TAF10: variants seen among roughly 807,000 people sequenced by gnomAD.
TAF10 encodes transcription initiation factor TFIID subunit 10.
A neutral mutation model predicts 18.1 loss-of-function variants in TAF10; 2 were observed. The ratio of observed to expected loss-of-function variants is 0.11; its 90% CI spans 0.05 to 0.35. The LOEUF is 0.35. TAF10 is among the 10% of genes least tolerant of loss of function. TAF10 has a pLI of 1.00. For missense variants in TAF10, 293 were observed against 306.9 expected, an observed-to-expected ratio of 0.95 and a Z score of 0.34; for synonymous variants, 158 against 134.6, an observed-to-expected ratio of 1.17 and a Z score of -1.20.
At position 6,608,985 on chromosome 11, in the gene TAF10, G is replaced by A; in HGVS notation, c.*1937C>T. 1.2e-6 allele frequency: 2 copies of A among 1,613,918 alleles called. No homozygotes were observed. The highest frequency in any genetic ancestry group is 2.2e-5 in the East Asian group (1 of 44,888). On this transcript the variant is annotated 3_prime_UTR_variant, in exon 5 of 5. Coordinates refer to ENST00000299424, the MANE Select transcript of TAF10 (RefSeq NM_006284.4). This position sits in a 1 kb window ranked among gnomAD's most constrained non-coding sequence, Gnocchi z 4.9. ...TCGGCCCCGTGAGTCACCACTGTGGGAAGAAGGGTTGTAAAAGGAAATAAT... is the reference window on the plus strand; with the variant it reads ...TCGGCCCCGTGAGTCACCACTGTGGAAAGAAGGGTTGTAAAAGGAAATAAT...
At chr11:6,611,346 C>T in intron 3 of TAF10, 42 bp downstream of exon 3, 2 of 1,614,108 alleles carry the variant, frequency 1.2e-6, no homozygotes, top group Non-Finnish European at 1.7e-6. Context: ...GGACAACATA[C>T]TGCACAAGCA....
At position 6,608,623 on chromosome 11, in the gene TAF10, C is replaced by T; in HGVS notation, c.*2299G>A. 1 of 1,387,730 alleles carries T rather than the reference C, an allele frequency of 7.2e-7. No homozygotes were observed. The highest frequency in any genetic ancestry group is 1.4e-5 in the African/African-American group (1 of 70,478). The allele number at this position is 1,387,730 out of a possible 1,614,324, so 86.0% of individuals were successfully genotyped here. A position where few individuals can be genotyped will look rare whatever the true frequency, so the allele number is the denominator to read the frequency against. On this transcript the variant is annotated 3_prime_UTR_variant, in exon 5 of 5. Transcript: ENST00000299424. The surrounding 1 kb of genome is among the most constrained non-coding windows in gnomAD (Gnocchi z 4.9). Reference sequence around the variant, plus strand: ...TACAGGATTAAGTTCTACATTTGTGCATTCATGGTTGGTTCAGTGACTGCC... The same window carrying T: ...TACAGGATTAAGTTCTACATTTGTGTATTCATGGTTGGTTCAGTGACTGCC...
Position 6,609,673 on chromosome 11 carries a change from A to G in TAF10, c.*1249T>C. 1.2e-6 allele frequency: 2 copies of G among 1,614,146 alleles called. No homozygotes were observed. Among genetic ancestry groups the G allele is most frequent in the Non-Finnish European group, 1.7e-6 (2 of 1,180,022 alleles). On this transcript the variant is annotated 3_prime_UTR_variant, in exon 5 of 5. Coordinates refer to ENST00000299424, the MANE Select transcript of TAF10 (RefSeq NM_006284.4). Reference sequence around the variant, plus strand: ...GGATGTTGAATTTCCTTGGGGAGGAAATGGCAGAGAGGGAGCCTCTCTGAA... The same window carrying G: ...GGATGTTGAATTTCCTTGGGGAGGAGATGGCAGAGAGGGAGCCTCTCTGAA...
At position 6,608,615 on chromosome 11, in the gene TAF10, C is replaced by T; in HGVS notation, c.*2307G>A. 7 of 1,368,358 alleles carry T rather than the reference C, an allele frequency of 5.1e-6. No homozygotes were observed. Among genetic ancestry groups the T allele is most frequent in the Non-Finnish European group, 6.3e-6 (6 of 955,760 alleles). The allele number at this position is 1,368,358 out of a possible 1,614,324, so 84.8% of individuals were successfully genotyped here. A position where few individuals can be genotyped will look rare whatever the true frequency, so the allele number is the denominator to read the frequency against. On this transcript the variant is annotated 3_prime_UTR_variant, in exon 5 of 5. Coordinates refer to ENST00000299424, the MANE Select transcript of TAF10 (RefSeq NM_006284.4). This position sits in a 1 kb window ranked among gnomAD's most constrained non-coding sequence, Gnocchi z 4.9. ...GTGACACTTACAGGATTAAGTTCTA[C>T]ATTTGTGCATTCATGGTTGGTTCAG...
chr11:6,609,260 G>A lies in TAF10; in HGVS notation c.*1662C>T. On this transcript the variant is annotated 3_prime_UTR_variant, in exon 5 of 5. Coordinates refer to ENST00000299424, the MANE Select transcript of TAF10 (RefSeq NM_006284.4). ...CCAGTTAGTGGGCAAGGAAGTGGCA[G>A]CAACATTTCAAGCCTCCTAACCCCT... 6.2e-7 allele frequency: 1 copy of A among 1,604,724 alleles called. No homozygotes were observed. Among genetic ancestry groups the A allele is most frequent in the Non-Finnish European group, 8.5e-7 (1 of 1,171,566 alleles).
rs1589935783 is a variant in TAF10 at position 6,608,403 on chromosome 11, T to C, written c.*2519A>G. On this transcript the variant is annotated 3_prime_UTR_variant, in exon 5 of 5. Transcript: ENST00000299424. The surrounding 1 kb of genome is among the most constrained non-coding windows in gnomAD (Gnocchi z 4.9). Reference sequence around the variant, plus strand: ...TGGCCATGGGGTCCAGCTATTGCAGTACAAGGCAGACATCAATGCAGTGAA... The same window carrying C: ...TGGCCATGGGGTCCAGCTATTGCAGCACAAGGCAGACATCAATGCAGTGAA... The C allele has an allele frequency of 6.2e-7, 1 of 1,614,016 alleles. No homozygotes were observed. Among genetic ancestry groups the C allele is most frequent in the East Asian group, 2.2e-5 (1 of 44,888 alleles).
Position 6,608,680 on chromosome 11 carries a change from C to T in TAF10, c.*2242G>A. On this transcript the variant is annotated 3_prime_UTR_variant, in exon 5 of 5. Transcript: ENST00000299424. This position sits in a 1 kb window ranked among gnomAD's most constrained non-coding sequence, Gnocchi z 4.9. ...GTAGCAGTGGCTCTCATCATAATGG[C>T]CTTTTCATTCCAGGACCTGGTGGCA... is the stretch of plus-strand genomic sequence containing the variant. 6.2e-7 allele frequency: 1 copy of T among 1,606,222 alleles called. No individual in the cohort carries two copies. Among genetic ancestry groups the T allele is most frequent in the Non-Finnish European group, 8.5e-7 (1 of 1,172,694 alleles).
Position 6,610,748 on chromosome 11 carries a change from TC to T in TAF10, c.*173del. On this transcript the variant is annotated 3_prime_UTR_variant, in exon 5 of 5. Coordinates refer to ENST00000299424, the MANE Select transcript of TAF10 (RefSeq NM_006284.4). ...ACCCCAGCCATGGGGTCCATCCCCT[TC>T]CCCCATCCCTACCACTGTGGCCCCA... 2 of 1,335,682 alleles carry T rather than the reference TC, an allele frequency of 1.5e-6. No individual in the cohort carries two copies. The highest frequency in any genetic ancestry group is 2.1e-6 in the Non-Finnish European group (2 of 942,174). 82.7% of individuals were successfully genotyped at this position (1,335,682 alleles called of 1,614,324 possible).
chr11:6,611,377 G>T lies in TAF10; in HGVS notation c.452+11C>A. The stretch of plus-strand genomic sequence containing the variant: ...AAGCACCCAAAACTAACCTGCCCTG[G>T]GTTTACTCACATGCGTGGGTCTGAG... On this transcript the variant is annotated intron_variant, in intron 3 of 4. Transcript: ENST00000299424. The T allele has an allele frequency of 6.2e-7, 1 of 1,614,146 alleles. No individual in the cohort carries two copies.
chr11:6,610,491 C>G lies in TAF10; in HGVS notation c.*431G>C. 6.2e-7 allele frequency: 1 copy of G among 1,614,200 alleles called. No homozygotes were observed. Among genetic ancestry groups the G allele is most frequent in the Non-Finnish European group, 8.5e-7 (1 of 1,180,018 alleles). The stretch of plus-strand genomic sequence containing the variant: ...CATTGGAAGGCCTTCGGCCTACCAT[C>G]CCACCAGGTATTTCCCCTCATGTGT... On this transcript the variant is annotated 3_prime_UTR_variant, in exon 5 of 5. Transcript: ENST00000299424.
At position 6,608,595 on chromosome 11, in the gene TAF10, A is replaced by T. The variant is rs1429413236; in HGVS notation, c.*2327T>A. On this transcript the variant is annotated 3_prime_UTR_variant, in exon 5 of 5. Transcript: ENST00000299424. The surrounding 1 kb of genome is among the most constrained non-coding windows in gnomAD (Gnocchi z 4.9). ...CATTCTGTCAGTACTACTGTGTGAC[A>T]CTTACAGGATTAAGTTCTACATTTG... The T allele has an allele frequency of 2.2e-6, 3 of 1,340,150 alleles. No homozygotes were observed. The Admixed American group carries it at 5.0e-5, about 22-fold the overall frequency. 83.0% of individuals were successfully genotyped at this position (1,340,150 alleles called of 1,614,324 possible).
chr11:6,609,852 C>T lies in TAF10; in HGVS notation c.*1070G>A. 6.2e-7 allele frequency: 1 copy of T among 1,614,220 alleles called. No individual in the cohort carries two copies. Among genetic ancestry groups the T allele is most frequent in the Non-Finnish European group, 8.5e-7 (1 of 1,180,044 alleles). ...CAATAGCCGTAGTGTAATGGTGAGGCCACAAGCTCACTCCTGGCCCAGGCC... is the reference window on the plus strand; with the variant it reads ...CAATAGCCGTAGTGTAATGGTGAGGTCACAAGCTCACTCCTGGCCCAGGCC... On this transcript the variant is annotated 3_prime_UTR_variant, in exon 5 of 5. Coordinates refer to ENST00000299424, the MANE Select transcript of TAF10 (RefSeq NM_006284.4).
In TAF10 at chr11:6,610,084, T is replaced by A. The variant is rs751553593; in HGVS notation, c.*838A>T. Reference sequence around the variant, plus strand: ...AGGTAAAAAAGGACCACCTCAGAAGTAGTGGAAGGGGGCAGAGACAGGACA... The same window carrying A: ...AGGTAAAAAAGGACCACCTCAGAAGAAGTGGAAGGGGGCAGAGACAGGACA... On this transcript the variant is annotated 3_prime_UTR_variant, in exon 5 of 5. Coordinates refer to ENST00000299424, the MANE Select transcript of TAF10 (RefSeq NM_006284.4). The A allele has an allele frequency of 1.8e-5, 29 of 1,613,248 alleles. No homozygotes were observed. Among genetic ancestry groups the A allele is most frequent in the Non-Finnish European group, 2.4e-5 (28 of 1,179,730 alleles).
Position 6,610,803 on chromosome 11 carries a change from T to A in TAF10, c.*119A>T. 1 of 1,373,328 alleles carries A rather than the reference T, an allele frequency of 7.3e-7. No individual in the cohort carries two copies. The highest frequency in any genetic ancestry group is 1.2e-5 in the South Asian group (1 of 82,276). 85.1% of individuals were successfully genotyped at this position (1,373,328 alleles called of 1,614,324 possible). ...GGGGCGGGCTCAGAGCTTTGTCACT[T>A]GCCACATGGTGTCTCCCAACATGGG... On this transcript the variant is annotated 3_prime_UTR_variant, in exon 5 of 5. Coordinates refer to ENST00000299424, the MANE Select transcript of TAF10 (RefSeq NM_006284.4).
intron 4 of TAF10, 76 bp from the exon 5 acceptor site, chr11:6,611,087 G>A: frequency 6.3e-7 from 1 of 1,588,910 alleles, no homozygotes; most frequent in Non-Finnish European, 8.6e-7. Context: ...CCCTGAGTAA[G>A]TCTTACACCT....
At position 6,610,574 on chromosome 11, in the gene TAF10, T is replaced by G. The variant is rs1452306438; in HGVS notation, c.*348A>C. ...CCTGCAAAGCGACCCAAATTTGACA[T>G]GATTGTGCCTATCCTTGAGAAGATG... On this transcript the variant is annotated 3_prime_UTR_variant, in exon 5 of 5. Transcript: ENST00000299424. 1 of 1,614,214 alleles carries G rather than the reference T, an allele frequency of 6.2e-7. No homozygotes were observed. Among genetic ancestry groups the G allele is most frequent in the Admixed American group, 1.7e-5 (1 of 60,034 alleles).
In TAF10 at chr11:6,610,981, A is replaced by T. The variant is rs752274943; in HGVS notation, c.598T>A (p.Leu200Met). ...DRKYTLTMEDLTPALSEYGIN... is the reference protein window; with the variant it reads ...DRKYTLTMEDMTPALSEYGIN... ...CCATACTCGCTGAGGGCAGGGGTCA[A>T]GTCCTCCATGGTTAGAGTGTACTTG... The change falls in exon 5 of 5, where the codon TTG becomes ATG. Residue 200 changes from leucine (L) to methionine (M), a missense_variant. By Grantham distance (15) the Leu-to-Met change is conservative (BLOSUM62 2). Coordinates refer to ENST00000299424, the MANE Select transcript of TAF10 (RefSeq NM_006284.4). The T allele has an allele frequency of 1.2e-6, 2 of 1,614,090 alleles. No homozygotes were observed. The highest frequency in any genetic ancestry group is 2.7e-5 in the African/African-American group (2 of 74,926).
chr11:6,612,203 G>C lies in TAF10; in HGVS notation c.-14C>G. 1.6e-6 allele frequency: 2 copies of C among 1,241,572 alleles called. No homozygotes were observed. The highest frequency in any genetic ancestry group is 2.0e-6 in the Non-Finnish European group (2 of 982,486). 76.9% of individuals were successfully genotyped at this position (1,241,572 alleles called of 1,614,324 possible). On this transcript the variant is annotated 5_prime_UTR_variant, in exon 1 of 5. Transcript: ENST00000299424. ...GCTGCAGCTCATCGGGCCGGTGGGA[G>C]AGGCGGCGAACAGAGCCGCTTCCGC...
intron 1 of TAF10, 54 bp from the exon 2 acceptor site, chr11:6,611,872 C>G (rs1177957019): frequency 6.4e-7 from 1 of 1,572,130 alleles, no homozygotes; most frequent in South Asian, 1.1e-5. Context: ...AGGGCCCCAG[C>G]TAGGTCTGTC....
Sources: gnomAD v4.1 joint callset for allele counts on GRCh38, gnomAD v4.1.1 for gene constraint, Gnocchi (gnomAD v3.1) non-coding constraint, MANE v1.5 for transcripts, NCBI Gene and HGNC (gene_info 2026-07-23, HGNC 2026-07-21) for gene names.